MYO3B: variants seen among roughly 807,000 people sequenced by gnomAD.
MYO3B encodes myosin-IIIb.
In MYO3B, 156 loss-of-function variants were observed where a neutral mutation model predicts 174.6. The observed-to-expected ratio is 0.89, with a 90% CI of 0.78 to 1.02. MYO3B has a LOEUF of 1.02. Among genes scored for constraint, MYO3B ranks in the 50% least tolerant of loss-of-function variants. MYO3B has a pLI of 0.00. For missense variants in MYO3B, 1,632 were observed against 1,639.4 expected (o/e 1.00, Z 0.08); for synonymous variants, 563 against 569.1 (o/e 0.99, Z 0.15).
At chr2:170,469,877 T>TG (rs1290858958) in intron 25 of MYO3B, among the ~76,000 whole-genome samples, 5 of 151,392 alleles carry the variant, frequency 3.3e-5, no homozygotes, top group Admixed American at 3.3e-4. Flanking sequence ...CTGAGGAGGG[T>TG]GGATCACCTG....
At position 170,627,054 on chromosome 2, in the gene MYO3B, A is replaced by G. The variant is rs1158301201; in HGVS notation, c.3734-24574A>G. Among the ~76,000 whole-genome samples, 10 of 151,972 alleles carry G rather than the reference A, an allele frequency of 6.6e-5. No individual in the cohort carries two copies. In the East Asian group the frequency reaches 1.2e-3, roughly 18 times the overall value. On this transcript the variant is annotated intron_variant, in intron 32 of 34. Coordinates refer to ENST00000408978, the MANE Select transcript of MYO3B (RefSeq NM_138995.5). The stretch of plus-strand genomic sequence containing the variant: ...GAGTTGCTCTTCTCCAGGAGTATCT[A>G]TCTTTGTGGTGTTCTCTGTATTTCC...
At chr2:170,432,751 A>G (rs544621173) in intron 22 of MYO3B, among the ~76,000 whole-genome samples, 1 of 151,844 alleles carries the variant, frequency 6.6e-6, no homozygotes, top group Non-Finnish European at 1.5e-5. Context: ...TAATTTTTGT[A>G]TTTTTAGTAG....
intron 25 of MYO3B, among the ~76,000 whole-genome samples, chr2:170,495,079 T>C (rs576172802): frequency 3.0e-4 from 45 of 152,356 alleles, no homozygotes; most frequent in African/African-American, 1.1e-3. Flanking sequence ...CAGGGAAGTC[T>C]GGTTTTTGCA....
chr2:170,579,942 A>G (rs752866203), intron 32 of MYO3B, among the ~76,000 whole-genome samples: 1 of 152,260 alleles, frequency 6.6e-6, no homozygotes, highest in African/African-American at 2.4e-5. Flanking sequence ...AGAGAGGTCA[A>G]ACAGCTACTC....
intron 32 of MYO3B, among the ~76,000 whole-genome samples, chr2:170,620,889 AT>A (rs202191208): frequency 1.4e-4 from 21 of 151,684 alleles, no homozygotes; most frequent in South Asian, 4.2e-4. Flanking sequence ...TGCCATACAA[AT>A]TTTTTTTTCT....
At chr2:170,633,136 C>T (rs1697161237) in intron 32 of MYO3B, among the ~76,000 whole-genome samples, 1 of 152,206 alleles carries the variant, frequency 6.6e-6, no homozygotes, top group South Asian at 2.1e-4. Flanking sequence ...CCAGCATCAT[C>T]CTGATACCAA....
chr2:170,240,851 C>G (rs1215409453), intron 7 of MYO3B, among the ~76,000 whole-genome samples: 1 of 152,172 alleles, frequency 6.6e-6, no homozygotes, highest in African/African-American at 2.4e-5. Context: ...ACCCGCAAAC[C>G]AGAAATCTCT....
At chr2:170,236,389 A>T (rs1190055709) in intron 7 of MYO3B, among the ~76,000 whole-genome samples, 3 of 152,226 alleles carry the variant, frequency 2.0e-5, no homozygotes, top group Admixed American at 2.0e-4. Context: ...TTTTTCTGAG[A>T]TACTCATTTT....
At chr2:170,591,354 T>G (rs1299221155) in intron 32 of MYO3B, among the ~76,000 whole-genome samples, 2 of 152,208 alleles carry the variant, frequency 1.3e-5, no homozygotes, top group Admixed American at 1.3e-4. Context: ...GTATTTCTCA[T>G]GATCATGCTA....
rs533368790 is a variant in MYO3B at position 170,543,054 on chromosome 2, C to T, written c.3636+88C>T. 1.1e-4 allele frequency: 114 copies of T among 1,057,748 alleles called. No homozygotes were observed. In the African/African-American group the frequency reaches 1.7e-3, roughly 16 times the overall value. The allele number at this position is 1,057,748 out of a possible 1,614,324, so 65.5% of individuals were successfully genotyped here. ...TAGGCATGAAGCTTGTCTGCGGCTGCGTGGTTGGACCATCCAAACTTGAAA... is the reference window on the plus strand; with the variant it reads ...TAGGCATGAAGCTTGTCTGCGGCTGTGTGGTTGGACCATCCAAACTTGAAA... On this transcript the variant is annotated intron_variant, in intron 31 of 34. Coordinates refer to ENST00000408978, the MANE Select transcript of MYO3B (RefSeq NM_138995.5).
intron 24 of MYO3B, among the ~76,000 whole-genome samples, chr2:170,465,347 G>A (rs1228339310): frequency 6.6e-6 from 1 of 152,036 alleles, no homozygotes; most frequent in African/African-American, 2.4e-5. Context: ...AAGATAGAGG[G>A]GAGATCCCAG....
At chr2:170,490,362 A>G (rs368037621) in intron 25 of MYO3B, among the ~76,000 whole-genome samples, 21 of 152,326 alleles carry the variant, frequency 1.4e-4, no homozygotes, top group African/African-American at 4.6e-4. Context: ...TTGCTAATAT[A>G]TAGAAGTACA....
chr2:170,613,676 G>A (rs1349295823), intron 32 of MYO3B, among the ~76,000 whole-genome samples: 1 of 152,150 alleles, frequency 6.6e-6, no homozygotes, highest in Non-Finnish European at 1.5e-5. Flanking sequence ...TCAGTGGGCT[G>A]GGAAAGGCAG....
At chr2:170,366,501 T>C (rs1013941590) in intron 8 of MYO3B, among the ~76,000 whole-genome samples, 3 of 152,002 alleles carry the variant, frequency 2.0e-5, no homozygotes, top group Non-Finnish European at 2.9e-5. Flanking sequence ...ACTATGTTGC[T>C]CAGGCTTCTC....
At chr2:170,462,878 G>T (rs962093713) in intron 23 of MYO3B, among the ~76,000 whole-genome samples, 1 of 151,240 alleles carries the variant, frequency 6.6e-6, no homozygotes, top group African/African-American at 2.5e-5. Context: ...TCTGCAATGA[G>T]CACATGGGAA....
intron 25 of MYO3B, among the ~76,000 whole-genome samples, chr2:170,467,360 G>C (rs775722624): frequency 6.6e-6 from 1 of 152,116 alleles, no homozygotes; most frequent in African/African-American, 2.4e-5. Context: ...CTTCAGTTCA[G>C]TGCATTCAAT....
Position 170,645,696 on chromosome 2 carries a change from A to C in MYO3B, c.3734-5932A>C, listed in dbSNP as rs541745085. Among the ~76,000 whole-genome samples the C allele has an allele frequency of 2.0e-5, 3 of 152,310 alleles. No homozygotes were observed. The South Asian group carries it at 6.2e-4, about 32-fold the overall frequency. On this transcript the variant is annotated intron_variant, in intron 32 of 34. Transcript: ENST00000408978. ...TTCTTCATATATGCAAAGAACTAAC[A>C]ATTTTGGTACTATGTGCCTTATTGA...
chr2:170,180,460 T>C (rs72882099), intron 1 of MYO3B, among the ~76,000 whole-genome samples: 13,898 of 152,196 alleles, frequency 0.091, 855 homozygotes, highest in Non-Finnish European at 0.13. Flanking sequence ...CCTTTCAGTT[T>C]CTTATTTCTC....
chr2:170,569,759 G>A (rs1010027496), intron 32 of MYO3B, among the ~76,000 whole-genome samples: 34 of 151,558 alleles, frequency 2.2e-4, no homozygotes, highest in African/African-American at 8.3e-4. Context: ...CTACTCAGGA[G>A]GCTGAGACAG....
Sources: allele counts gnomAD v4.1 joint callset (sites outside exome capture counted in the v4.1 genomes callset), GRCh38; gene constraint gnomAD v4.1.1; transcripts MANE v1.5; gene names NCBI Gene and HGNC (gene_info 2026-07-23, HGNC 2026-07-21).